Variants in HMX1 observed in about 807,000 individuals in gnomAD.
The protein encoded by HMX1 is homeobox protein HMX1.
A neutral mutation model predicts 8.9 loss-of-function variants in HMX1; 8 were observed. The ratio of observed to expected loss-of-function variants is 0.90; its 90% CI spans 0.53 to 1.63. The LOEUF (loss-of-function observed/expected upper bound fraction) is 1.63. Ranked by LOEUF, HMX1 falls within the 40% of genes most tolerant of loss-of-function variation. The pLI is 0.00. For missense variants in HMX1, 621 were observed against 558.5 expected (o/e 1.11, Z -1.13); for synonymous variants, 311 against 283.4 (o/e 1.10, Z -0.98).
exon 2 of HMX1, chr4:8,846,089 T>C (rs1455886195): frequency 3.3e-6 from 2 of 608,692 alleles, no homozygotes; most frequent in Non-Finnish European, 5.8e-6. Flanking sequence ...GTGCACACAC[T>C]AAGGTTTATT....
At position 8,871,245 on chromosome 4, in the gene HMX1, A is replaced by G; in HGVS notation, c.370T>C (p.Tyr124His). The change falls in exon 1 of 2, where the codon TAT (tyrosine) becomes CAT (histidine). Residue 124 changes from tyrosine (Y) to histidine (H), a missense_variant. By Grantham distance (83) the Tyr-to-His change is moderately conservative. Coordinates refer to ENST00000400677, the MANE Select transcript of HMX1 (RefSeq NM_018942.3). This position sits in a 1 kb window ranked among gnomAD's most constrained non-coding sequence, Gnocchi z 4.8. ...CTGTCAGGACTGAGGCCGCCTCCAT[A>G]GCCACCGTGCGCCCGTGGGTACCAG... ...ARWYPRAHGG[Y>H]GGGLSPDTSD... 2.0e-6 allele frequency: 3 copies of G among 1,486,096 alleles called. No homozygotes were observed. Among genetic ancestry groups the G allele is most frequent in the Non-Finnish European group, 2.7e-6 (3 of 1,124,734 alleles). The allele number at this position is 1,486,096 out of a possible 1,614,324, so 92.1% of individuals were successfully genotyped here.
At chr4:8,854,323 T>C (rs1721543903) in intron 1 of HMX1, among the ~76,000 whole-genome samples, 1 of 152,242 alleles carries the variant, frequency 6.6e-6, no homozygotes, top group Non-Finnish European at 1.5e-5. Context: ...GGGAGAACCC[T>C]GAATGGGATG....
intron 1 of HMX1, among the ~76,000 whole-genome samples, chr4:8,855,275 G>A (rs1193507599): frequency 2.0e-5 from 3 of 152,234 alleles, no homozygotes; most frequent in East Asian, 3.8e-4. Flanking sequence ...GTGTGGCTGC[G>A]GTGAGGATGA....
intron 1 of HMX1, among the ~76,000 whole-genome samples, chr4:8,860,036 A>G (rs892804203): frequency 6.6e-6 from 1 of 152,204 alleles, no homozygotes; most frequent in African/African-American, 2.4e-5. Context: ...GACGGGGCCA[A>G]CGGCGGTGCT....
downstream of HMX1, chr4:8,867,000 C>T (rs983316808): frequency 4.5e-6 from 4 of 897,326 alleles, no homozygotes; most frequent in East Asian, 2.4e-4. Flanking sequence ...CGGCACCCAG[C>T]GCAGCTTGAG....
chr4:8,857,455 TGC>T (rs1304200022), intron 1 of HMX1, among the ~76,000 whole-genome samples: 1 of 152,174 alleles, frequency 6.6e-6, no homozygotes, highest in Non-Finnish European at 1.5e-5. Flanking sequence ...GCTTCCCTGC[TGC>T]GCCGGGCCTC....
rs1722218276 is a variant in HMX1 at position 8,871,439 on chromosome 4, T to A, written c.176A>T (p.Gln59Leu). Residue 59 changes from glutamine to leucine, a missense_variant, in exon 1 of 2, where the codon CAG (glutamine) becomes CTG (leucine). Physicochemically the swap from Gln to Leu is moderately radical, Grantham distance 113. Transcript: ENST00000400677. This position sits in a 1 kb window ranked among gnomAD's most constrained non-coding sequence, Gnocchi z 4.8. ...DDDPEDEDAE[Q>L]ARRRRLQRRR... ...CCGCTGTAGCCGTCGCCGCCGCGCC[T>A]GCTCGGCGTCCTCGTCTTCGGGGTC... The A allele has an allele frequency of 1.5e-6, 2 of 1,322,388 alleles. No homozygotes were observed. Among genetic ancestry groups the A allele is most frequent in the South Asian group, 1.6e-5 (1 of 63,044 alleles). The allele number at this position is 1,322,388 out of a possible 1,614,324, so 81.9% of individuals were successfully genotyped here. A position where few individuals can be genotyped will look rare whatever the true frequency, so the allele number is the denominator to read the frequency against.
Position 8,848,577 on chromosome 4 carries a change from A to G in HMX1, c.395-2253T>C, listed in dbSNP as rs1721343225. Among the ~76,000 whole-genome samples, 1 of 152,208 alleles carries G rather than the reference A, an allele frequency of 6.6e-6. No individual in the cohort carries two copies. The highest frequency in any genetic ancestry group is 6.5e-5 in the Admixed American group (1 of 15,284). On this transcript the variant is annotated intron_variant, in intron 1 of 1. Coordinates refer to the HMX1 transcript ENST00000506970. This position sits in a 1 kb window ranked among gnomAD's most constrained non-coding sequence, Gnocchi z 4.1. ...CCTGGGTCACACAGCATGTGGATGG[A>G]GCTGGGCCCATAACTTGGCACTTGC...
Position 8,871,693 on chromosome 4 carries a change from G to T in HMX1, c.-79C>A. On this transcript the variant is annotated 5_prime_UTR_variant, in exon 1 of 2. Transcript: ENST00000400677. The surrounding 1 kb of genome is among the most constrained non-coding windows in gnomAD (Gnocchi z 4.8). The stretch of plus-strand genomic sequence containing the variant: ...GGTGGCGCGCGGCTCCCGGGCGCAC[G>T]CGCGGGCCGGCCCTGGAGCTGCTAC... 1 of 1,118,628 alleles carries T rather than the reference G, an allele frequency of 8.9e-7. No individual in the cohort carries two copies. Among genetic ancestry groups the T allele is most frequent in the African/African-American group, 1.7e-5 (1 of 60,142 alleles). The allele number at this position is 1,118,628 out of a possible 1,614,324, so 69.3% of individuals were successfully genotyped here. A position where few individuals can be genotyped will look rare whatever the true frequency, so the allele number is the denominator to read the frequency against.
intron 1 of HMX1, among the ~76,000 whole-genome samples, chr4:8,861,023 G>GGGCCGCGAGCTGGGAA (rs1721792262): frequency 6.6e-6 from 1 of 151,912 alleles, no homozygotes; most frequent in Non-Finnish European, 1.5e-5. Context: ...GCGCCCGGGA[G>GGGCCGCGAGCTGGGAA]GGCCGCGAGC....
chr4:8,854,022 T>C (rs777734552), intron 1 of HMX1, among the ~76,000 whole-genome samples: 1 of 152,252 alleles, frequency 6.6e-6, no homozygotes, highest in Non-Finnish European at 1.5e-5. Flanking sequence ...GGCCCTGCCC[T>C]GCCATCCCTT....
intron 1 of HMX1, among the ~76,000 whole-genome samples, chr4:8,869,589 G>A (rs943511302): frequency 6.6e-6 from 1 of 152,358 alleles, no homozygotes; most frequent in East Asian, 1.9e-4. Context: ...CATGCCCAAG[G>A]AGTGTGCACA....
intron 1 of HMX1, among the ~76,000 whole-genome samples, chr4:8,857,399 C>A (rs955702913): frequency 6.6e-6 from 1 of 152,160 alleles, no homozygotes; most frequent in African/African-American, 2.4e-5. Flanking sequence ...AGGCAGGAGG[C>A]GGGGTCTGGG....
chr4:8,871,544 A>G lies in HMX1; in HGVS notation c.71T>C (p.Leu24Pro). The G allele has an allele frequency of 1.5e-6, 2 of 1,364,016 alleles. No homozygotes were observed. The highest frequency in any genetic ancestry group is 1.9e-6 in the Non-Finnish European group (2 of 1,055,738). The allele number at this position is 1,364,016 out of a possible 1,614,324, so 84.5% of individuals were successfully genotyped here. The change falls in exon 1 of 2, where the codon CTG (leucine) becomes CCG (proline). Residue 24 changes from leucine (L) to proline (P), a missense_variant. Transcript: ENST00000400677. The surrounding 1 kb of genome is among the most constrained non-coding windows in gnomAD (Gnocchi z 4.8). Reference protein sequence around the residue: ...ARASSFLIENLLAAEAKGAGR... With the variant: ...ARASSFLIENPLAAEAKGAGR... ...TGCGCCCTTGGCCTCGGCCGCCAGC[A>G]GGTTCTCGATGAGGAAGGAGGAGGC...
intron 1 of HMX1, among the ~76,000 whole-genome samples, chr4:8,851,704 CT>C (rs1209255624): frequency 5.3e-5 from 8 of 152,346 alleles, no homozygotes; most frequent in African/African-American, 1.7e-4. Context: ...GGGCCAGTCA[CT>C]GGGCCTCTCG....
Position 8,867,898 on chromosome 4 carries a change from C to G in HMX1, c.842G>C (p.Arg281Pro). ...GCTTTCGTGGTAGAGCACCGGCACG[C>G]GGACCAGGCGCTGCGCTCCCGGCGG... ...LSPPGAQRLV[R>P]VPVLYHESPP... The change falls in exon 2 of 2, where the codon CGC becomes CCC. Residue 281 changes from arginine to proline, a missense_variant. Coordinates refer to ENST00000400677, the MANE Select transcript of HMX1 (RefSeq NM_018942.3). The G allele has an allele frequency of 7.3e-7, 1 of 1,374,394 alleles. No individual in the cohort carries two copies. Among genetic ancestry groups the G allele is most frequent in the Non-Finnish European group, 9.4e-7 (1 of 1,061,738 alleles). 85.1% of individuals were successfully genotyped at this position (1,374,394 alleles called of 1,614,324 possible). A position where few individuals can be genotyped will look rare whatever the true frequency, so the allele number is the denominator to read the frequency against.
intron 1 of HMX1, among the ~76,000 whole-genome samples, chr4:8,857,883 G>C (rs967814588): frequency 1.3e-5 from 2 of 152,140 alleles, no homozygotes; most frequent in Non-Finnish European, 2.9e-5. Flanking sequence ...GCCGAGCCCC[G>C]GGCCCCAGTT....
At chr4:8,862,925 TC>T (rs926237840), downstream of HMX1, among the ~76,000 whole-genome samples, 10 of 152,186 alleles carry the variant, frequency 6.6e-5, no homozygotes, top group African/African-American at 2.2e-4. Flanking sequence ...CTGTCCCCTC[TC>T]CGGCCCACCT....
Position 8,867,939 on chromosome 4 carries a change from C to T in HMX1, c.801G>A (p.Glu267=), listed in dbSNP as rs1260112424. The change falls in exon 2 of 2, where the codon GAG becomes GAA. Residue 267 remains glutamate (E), a synonymous_variant. Coordinates refer to ENST00000400677, the MANE Select transcript of HMX1 (RefSeq NM_018942.3). ...KWKRQLAAEL[E]AASLSPPGAQ... ...CTCCCGGCGGGGACAGGCTGGCCGCCTCCAGCTCGGCTGCCAGCTGCCGCT... is the reference window on the plus strand; with the variant it reads ...CTCCCGGCGGGGACAGGCTGGCCGCTTCCAGCTCGGCTGCCAGCTGCCGCT... 3.1e-5 allele frequency: 46 copies of T among 1,480,158 alleles called. No homozygotes were observed. The Admixed American group carries it at 1.0e-3, about 32-fold the overall frequency. 91.7% of individuals were successfully genotyped at this position (1,480,158 alleles called of 1,614,324 possible).
Sources: allele counts gnomAD v4.1 joint callset (sites outside exome capture counted in the v4.1 genomes callset), GRCh38; gene constraint gnomAD v4.1.1; non-coding constraint Gnocchi (gnomAD v3.1); transcripts MANE v1.5; gene names NCBI Gene and HGNC (gene_info 2026-07-23, HGNC 2026-07-21).